The following APIP variants were observed in gnomAD, a reference collection of about 807,000 sequenced individuals.
The protein encoded by APIP is APAF1 interacting protein.
In APIP, 32 loss-of-function variants were observed where a neutral mutation model predicts 32.0. The ratio of observed to expected loss-of-function variants is 1.00; its 90% CI spans 0.76 to 1.34. The LOEUF (loss-of-function observed/expected upper bound fraction) is 1.34, where lower values mean the gene tolerates loss of function less well. Ranked by LOEUF, APIP falls within the 40% of genes most tolerant of loss-of-function variation. The pLI is 0.00. For synonymous variants in APIP, 92 were observed against 94.8 expected (o/e 0.97, Z 0.17); for missense variants, 247 against 298.6 (o/e 0.83, Z 1.27).
intron 1 of APIP, among the ~76,000 whole-genome samples, chr11:34,912,926 C>A (rs976862596): frequency 6.6e-6 from 1 of 152,216 alleles, no homozygotes; most frequent in African/African-American, 2.4e-5. Context: ...ACCTCAAACT[C>A]AACATGTCCA....
chr11:34,885,908 T>C (rs1252846505), intron 5 of APIP, among the ~76,000 whole-genome samples: 1 of 152,122 alleles, frequency 6.6e-6, no homozygotes, highest in Non-Finnish European at 1.5e-5. Flanking sequence ...ATTATGCAAA[T>C]GTCTGTGGTG....
chr11:34,916,237 G>C lies in APIP; in HGVS notation c.48C>G (p.Cys16Trp). 2 of 1,611,608 alleles carry C rather than the reference G, an allele frequency of 1.2e-6. No individual in the cohort carries two copies. Among genetic ancestry groups the C allele is most frequent in the Non-Finnish European group, 1.7e-6 (2 of 1,179,224 alleles). Residue 16 changes from cysteine (C) to tryptophan (W), a missense_variant, in exon 1 of 7, where the codon TGC becomes TGG. Physicochemically the swap from Cys to Trp is radical, Grantham distance 215. Transcript: ENST00000395787. ...AREGDCCSRR[C>W]GAQDKEHPRY... ...GTGGCCCCGCCCCTACCTGCGCGCC[G>C]CATCTCCGGGAACAACAGTCTCCCT...
intron 1 of APIP, among the ~76,000 whole-genome samples, chr11:34,901,994 G>A (rs1023061788): frequency 3.9e-5 from 6 of 152,170 alleles, no homozygotes; most frequent in African/African-American, 9.7e-5. Flanking sequence ...TATTAGGAGT[G>A]CAGAAGCCCA....
At chr11:34,890,289 C>A (rs1385081422) in intron 3 of APIP, among the ~76,000 whole-genome samples, 1 of 152,004 alleles carries the variant, frequency 6.6e-6, no homozygotes, top group Non-Finnish European at 1.5e-5. Context: ...CACTTTTGCC[C>A]CCTATAGGTT....
At chr11:34,901,730 CA>C (rs1486753409) in intron 1 of APIP, among the ~76,000 whole-genome samples, 2 of 152,186 alleles carry the variant, frequency 1.3e-5, no homozygotes, top group South Asian at 4.1e-4. Context: ...AGCATCCATA[CA>C]GCCCCAGGAC....
intron 5 of APIP, among the ~76,000 whole-genome samples, chr11:34,887,289 C>T (rs1303464507): frequency 6.6e-6 from 1 of 152,168 alleles, no homozygotes; most frequent in East Asian, 1.9e-4. Context: ...TATTTCCTCA[C>T]CAAAACAATA....
At chr11:34,914,898 G>A (rs1227743411) in intron 1 of APIP, among the ~76,000 whole-genome samples, 2 of 151,470 alleles carry the variant, frequency 1.3e-5, no homozygotes, top group African/African-American at 4.9e-5. Flanking sequence ...CAGCTACTTG[G>A]GAGGCTGAGG....
rs1853691874 is a variant in APIP at position 34,916,301 on chromosome 11, C to A, written c.-17G>T. On this transcript the variant is annotated 5_prime_UTR_variant, in exon 1 of 7. Coordinates refer to ENST00000395787, the MANE Select transcript of APIP (RefSeq NM_015957.4). ...GCCAGACATGGCCCAGACCAGGGAC[C>A]CGCGCGGCCTCCAATCTCCGCACGG... The A allele has an allele frequency of 6.2e-7, 1 of 1,611,230 alleles. No individual in the cohort carries two copies. Among genetic ancestry groups the A allele is most frequent in the South Asian group, 1.1e-5 (1 of 90,720 alleles).
chr11:34,888,867 A>T lies in APIP; in HGVS notation c.210T>A (p.Pro70=). The stretch of plus-strand genomic sequence containing the variant: ...TTATATCACAAACAAACATGTCTTC[A>T]GGCTATTTATAGAGGGGAAAAAAAG... ...PSGVQKERIQ[P]EDMFVCDINE... is the part of the protein sequence containing the mutation. The change falls in exon 4 of 7, where the codon CCT becomes CCA. Residue 70 remains proline, a splice_region_variant and synonymous_variant. Transcript: ENST00000395787. The T allele has an allele frequency of 6.8e-7, 1 of 1,478,310 alleles. No homozygotes were observed. The allele number at this position is 1,478,310 out of a possible 1,614,324, so 91.6% of individuals were successfully genotyped here.
At chr11:34,910,706 T>C (rs964010974) in intron 1 of APIP, among the ~76,000 whole-genome samples, 1 of 152,238 alleles carries the variant, frequency 6.6e-6, no homozygotes, top group African/African-American at 2.4e-5. Flanking sequence ...CAGGCATTTT[T>C]CTAAAGCCTT....
At chr11:34,890,421 G>A (rs1186556654) in intron 3 of APIP, 83 bp downstream of exon 3, 6 of 1,332,440 alleles carry the variant, frequency 4.5e-6, no homozygotes, top group Non-Finnish European at 6.2e-6. Flanking sequence ...TAAAATGAAT[G>A]TTTTCTCTTA....
intron 6 of APIP, 74 bp from the exon 7 acceptor site, chr11:34,882,890 C>CCT: frequency 9.4e-7 from 1 of 1,068,672 alleles, no homozygotes. Context: ...TCACATTTCT[C>CCT]CTCTCTTGCA....
chr11:34,897,990 GCTTCTTT>G (rs1432284803), intron 1 of APIP, among the ~76,000 whole-genome samples: 2 of 151,988 alleles, frequency 1.3e-5, no homozygotes, highest in African/African-American at 4.8e-5. Flanking sequence ...GTACAGGGGA[GCTTCTTT>G]CTTCTTTCTT....
intron 1 of APIP, among the ~76,000 whole-genome samples, chr11:34,900,784 A>C (rs1343650348): frequency 6.6e-6 from 1 of 152,092 alleles, no homozygotes; most frequent in African/African-American, 2.4e-5. Context: ...TAACTCAGGA[A>C]ATGAATGGAA....
intron 5 of APIP, among the ~76,000 whole-genome samples, chr11:34,885,193 CCTATATAA>C (rs1853045470): frequency 6.8e-6 from 1 of 146,006 alleles, no homozygotes; most frequent in Non-Finnish European, 1.5e-5. Context: ...TATATATATA[CCTATATAA>C]CTATATATGT....
At chr11:34,884,416 A>G (rs998368181) in intron 5 of APIP, among the ~76,000 whole-genome samples, 1 of 152,216 alleles carries the variant, frequency 6.6e-6, no homozygotes, top group Non-Finnish European at 1.5e-5. Flanking sequence ...AGTAAAACAG[A>G]GGTAATTATA....
At chr11:34,887,098 T>G (rs1192919033) in intron 5 of APIP, among the ~76,000 whole-genome samples, 1 of 152,180 alleles carries the variant, frequency 6.6e-6, no homozygotes, top group East Asian at 1.9e-4. Flanking sequence ...AAAATAACAC[T>G]GCCTCCTGAG....
chr11:34,905,433 C>G lies in APIP; in HGVS notation c.58-10323G>C, dbSNP rs943706694. Reference sequence around the variant, plus strand: ...TTTACCTTTACCCTTAAAGACCTAGCAGGCATAAATTGGACATGGTATGGG... The same window carrying G: ...TTTACCTTTACCCTTAAAGACCTAGGAGGCATAAATTGGACATGGTATGGG... On this transcript the variant is annotated intron_variant, in intron 1 of 6. Transcript: ENST00000395787. Among the ~76,000 whole-genome samples the G allele has an allele frequency of 4.6e-5, 7 of 152,190 alleles. 1 individual carries two copies. The East Asian group carries it at 1.3e-3, about 29-fold the overall frequency.
rs577099374 is a variant in APIP at position 34,882,496 on chromosome 11, T to C, written c.*221A>G. ...AAGGATTTAAAAATAAACAGAAACA[T>C]AGAGTATAAAATTTTCATTTCACTG... is the stretch of plus-strand genomic sequence containing the variant. On this transcript the variant is annotated 3_prime_UTR_variant, in exon 7 of 7. Transcript: ENST00000395787. The C allele has an allele frequency of 4.1e-4, 126 of 305,650 alleles. 1 individual carries two copies. Among genetic ancestry groups the C allele is most frequent in the Non-Finnish European group, 4.9e-4 (81 of 164,112 alleles). The allele number at this position is 305,650 out of a possible 1,614,324, so 18.9% of individuals were successfully genotyped here.
Sources: gnomAD v4.1 joint callset for allele counts (sites outside exome capture counted in the v4.1 genomes callset) on GRCh38, gnomAD v4.1.1 for gene constraint, MANE v1.5 for transcripts, NCBI Gene and HGNC (gene_info 2026-07-23, HGNC 2026-07-21) for gene names.